MAGEC3: variants seen among roughly 807,000 people sequenced by gnomAD.
MAGEC3 encodes the protein melanoma-associated antigen C3.
A neutral mutation model predicts 35.3 loss-of-function variants in MAGEC3; 34 were observed. The ratio of observed to expected loss-of-function variants is 0.96; its 90% CI spans 0.73 to 1.28. The LOEUF (loss-of-function observed/expected upper bound fraction) is 1.28, where lower values mean the gene tolerates loss of function less well. Ranked by LOEUF, MAGEC3 falls within the 50% of genes most tolerant of loss-of-function variation. The pLI is 0.00. For synonymous variants in MAGEC3, 202 were observed against 185.6 expected (o/e 1.09, Z -0.72); for missense variants, 561 against 483.6 (o/e 1.16, Z -1.50).
At chrX:141,881,312 G>A in intron 3 of MAGEC3, 91 bp from the exon 4 acceptor site, 2 of 1,080,214 alleles carry the variant, frequency 1.9e-6, no homozygotes, top group South Asian at 2.3e-5. Context: ...CCTCTCCAGG[G>A]TTCCCTGTCC....
intron 1 of MAGEC3, among the ~76,000 whole-genome samples, chrX:141,859,865 G>T (rs773367224): frequency 1.8e-5 from 2 of 111,850 alleles, no homozygotes; most frequent in Non-Finnish European, 3.8e-5. Context: ...AGAAGGAACG[G>T]CTTGGCCTAA....
intron 2 of MAGEC3, among the ~76,000 whole-genome samples, chrX:141,877,226 T>C (rs2017925465): frequency 8.9e-6 from 1 of 111,989 alleles, no homozygotes; most frequent in African/African-American, 3.2e-5. Flanking sequence ...AGCATTTTAA[T>C]ATTTTTGTCT....
chrX:141,857,919 A>T (rs185643865), intron 1 of MAGEC3, among the ~76,000 whole-genome samples: 1 of 111,563 alleles, frequency 9.0e-6, no homozygotes, highest in Admixed American at 9.6e-5. Context: ...CCTCGAACAG[A>T]GTCTATCACA....
intron 4 of MAGEC3, among the ~76,000 whole-genome samples, chrX:141,889,333 C>G (rs2018025000): frequency 8.9e-6 from 1 of 111,749 alleles, no homozygotes. Flanking sequence ...GGAAACACCA[C>G]TCACCATCAC....
chrX:141,868,223 G>T (rs1413258381), intron 2 of MAGEC3, among the ~76,000 whole-genome samples: 2 of 111,528 alleles, frequency 1.8e-5, no homozygotes, highest in African/African-American at 6.5e-5. Context: ...TATTTTTTAT[G>T]ATTTTCAGCT....
intron 4 of MAGEC3, among the ~76,000 whole-genome samples, chrX:141,893,642 CTGTGTG>C (rs770042816): frequency 3.4e-4 from 29 of 85,116 alleles, no homozygotes; most frequent in Admixed American, 1.8e-3. Flanking sequence ...ATAGGAGACA[CTGTGTG>C]TGTGTGTGTG....
Position 141,839,200 on chromosome X carries a change from T to G in MAGEC3, c.123+762T>G, listed in dbSNP as rs1272893242. The G allele has an allele frequency of 2.1e-5, 3 of 144,660 alleles. No homozygotes were observed. The Admixed American group carries it at 2.9e-4, about 14-fold the overall frequency. 11.9% of individuals were successfully genotyped at this position (144,660 alleles called of 1,213,427 possible). A position where few individuals can be genotyped will look rare whatever the true frequency, so the allele number is the denominator to read the frequency against. ...GCAGGCTGCCTTGATTCCCTCTCCATCTCTGCTTTAAGTATTGCCTATCAC... is the reference window on the plus strand; with the variant it reads ...GCAGGCTGCCTTGATTCCCTCTCCAGCTCTGCTTTAAGTATTGCCTATCAC... On this transcript the variant is annotated intron_variant, in intron 1 of 7. Transcript: ENST00000298296.
intron 1 of MAGEC3, among the ~76,000 whole-genome samples, chrX:141,848,377 C>A (rs1326309643): frequency 1.8e-5 from 2 of 110,340 alleles, no homozygotes; most frequent in African/African-American, 6.6e-5. Context: ...AAATAGGAAA[C>A]CCTGAAGACT....
At chrX:141,885,489 A>G (rs5908064) in intron 4 of MAGEC3, among the ~76,000 whole-genome samples, 1 of 106,932 alleles carries the variant, frequency 9.4e-6, no homozygotes, top group African/African-American at 3.4e-5. Flanking sequence ...AGATAGTGAA[A>G]CCCCGTCTCT....
At chrX:141,844,045 T>A (rs2017702121) in intron 1 of MAGEC3, among the ~76,000 whole-genome samples, 1 of 110,796 alleles carries the variant, frequency 9.0e-6, no homozygotes, top group South Asian at 3.8e-4. Flanking sequence ...TTTTGAAGCT[T>A]ATACGTATCA....
At position 141,853,350 on chromosome X, in the gene MAGEC3, A is replaced by C. The variant is rs147016805; in HGVS notation, c.124-12121A>C. 1.6e-3 allele frequency among the ~76,000 whole-genome samples: 182 copies of C among 111,257 alleles called. 1 individual carries two copies. Among genetic ancestry groups the C allele is most frequent in the African/African-American group, 5.4e-3 (164 of 30,654 alleles). On this transcript the variant is annotated intron_variant, in intron 1 of 7. Coordinates refer to ENST00000298296, the MANE Select transcript of MAGEC3 (RefSeq NM_138702.1). ...CCTTTGATATAGCCTGGGTGCTTTG[A>C]AGTAAATGTCTACTGGAAAACCAAA...
In MAGEC3 at chrX:141,897,196, G is replaced by A; in HGVS notation, c.1438G>A (p.Ala480Thr). 3.3e-6 allele frequency: 4 copies of A among 1,212,047 alleles called. No homozygotes were observed. The highest frequency in any genetic ancestry group is 4.5e-6 in the Non-Finnish European group (4 of 895,556). Residue 480 changes from alanine (A) to threonine (T), a missense_variant, in exon 7 of 8, where the codon GCA becomes ACA. Transcript: ENST00000298296. ...TCAAACAAAAGAGCCTGTCACAAAG[G>A]CAGAGATGCTGACGACTGTCATCAA... ...KYQTKEPVTKAEMLTTVIKKY... is the reference protein window; with the variant it reads ...KYQTKEPVTKTEMLTTVIKKY...
intron 2 of MAGEC3, among the ~76,000 whole-genome samples, chrX:141,873,557 C>T (rs374449932): frequency 6.3e-5 from 7 of 111,358 alleles, no homozygotes; most frequent in Non-Finnish European, 1.3e-4. Flanking sequence ...CTTAAAGTGG[C>T]GATGTTTGTC....
At chrX:141,881,092 A>G (rs2017959806) in intron 3 of MAGEC3, among the ~76,000 whole-genome samples, 2 of 110,586 alleles carry the variant, frequency 1.8e-5, no homozygotes, top group Admixed American at 9.5e-5. Flanking sequence ...AGAGGAGAAA[A>G]CCTCCTCCAT....
Position 141,879,351 on chromosome X carries a change from A to G in MAGEC3, c.435A>G (p.Thr145=). The change falls in exon 3 of 8, where the codon ACA becomes ACG. Residue 145 remains threonine (T), a synonymous_variant. Transcript: ENST00000298296. ...TGTGGAAGGACAGTGACCTTCCAAC[A>G]TGGAGGAGAGGCACAGGCTACACCC... ...RTLWKDSDLP[T]WRRGTGYTLS... The G allele has an allele frequency of 3.3e-6, 4 of 1,199,799 alleles. No individual in the cohort carries two copies. The highest frequency in any genetic ancestry group is 4.5e-6 in the Non-Finnish European group (4 of 889,322).
At chrX:141,882,336 T>A (rs2017972778) in intron 4 of MAGEC3, among the ~76,000 whole-genome samples, 1 of 112,173 alleles carries the variant, frequency 8.9e-6, no homozygotes, top group South Asian at 3.7e-4. Flanking sequence ...GTAGGTTGAA[T>A]TAGCTTCAGA....
At chrX:141,864,651 G>A (rs2017837066) in intron 1 of MAGEC3, among the ~76,000 whole-genome samples, 1 of 111,106 alleles carries the variant, frequency 9.0e-6, no homozygotes, top group Non-Finnish European at 1.9e-5. Flanking sequence ...GGAGGGAGAG[G>A]ATCAGGAAAA....
chrX:141,897,648 G>C lies in MAGEC3; in HGVS notation c.1748G>C (p.Arg583Thr), dbSNP rs146108228. Residue 583 changes from arginine to threonine, a missense_variant, in exon 8 of 8, where the codon AGA (arginine) becomes ACA (threonine). By Grantham distance (71) the Arg-to-Thr change is moderately conservative. Transcript: ENST00000298296. ...SAIGPIQRPA[R>T]EVLEFLSKLS... is the part of the protein sequence containing the mutation. ...CAAGAGCCCATTCAGAGGCCAGCAAGAGAAGTCTTAGAGTTTTTATCCAAG... is the reference window on the plus strand; with the variant it reads ...CAAGAGCCCATTCAGAGGCCAGCAACAGAAGTCTTAGAGTTTTTATCCAAG... The C allele has an allele frequency of 5.8e-6, 7 of 1,208,265 alleles. 1 individual carries two copies. In the African/African-American group the frequency reaches 1.2e-4, roughly 21 times the overall value.
At chrX:141,861,679 G>T (rs777908969) in intron 1 of MAGEC3, among the ~76,000 whole-genome samples, 1 of 111,844 alleles carries the variant, frequency 8.9e-6, no homozygotes, top group African/African-American at 3.2e-5. Flanking sequence ...ACTGGGGAAA[G>T]GGCAGCCTCT....
Sources: allele counts gnomAD v4.1 joint callset (sites outside exome capture counted in the v4.1 genomes callset), GRCh38; gene constraint gnomAD v4.1.1; transcripts MANE v1.5; gene names NCBI Gene and HGNC (gene_info 2026-07-23, HGNC 2026-07-21).